CDK18: variants seen among roughly 807,000 people sequenced by gnomAD.
CDK18 encodes the protein cyclin-dependent kinase 18.
Under a neutral mutation model 62.0 loss-of-function variants are expected in CDK18, and 52 were observed. That is an observed-to-expected ratio of 0.84 (90% CI 0.67 to 1.06). CDK18 has a LOEUF of 1.06. Among genes scored for constraint, CDK18 ranks in the 50% least tolerant of loss-of-function variants. The probability of loss-of-function intolerance (pLI) is 0.00; values close to 1 mark genes in which losing one functional copy is unlikely to be tolerated. For missense variants in CDK18, 604 were observed against 619.9 expected (o/e 0.97, Z 0.27); for synonymous variants, 237 against 247.0 (o/e 0.96, Z 0.38).
Position 205,519,468 on chromosome 1 carries a change from T to C in CDK18, c.-21-3679T>C, listed in dbSNP as rs190666116. On this transcript the variant is annotated intron_variant, in intron 1 of 15. Transcript: ENST00000429964. ...CCTACATCTGACCTCCATCCTTCCA[T>C]CAGGAAGTCCATCCTACATCTGACC... Among the ~76,000 whole-genome samples, 184 of 151,646 alleles carry C rather than the reference T, an allele frequency of 1.2e-3. 1 individual carries two copies. The highest frequency in any genetic ancestry group is 4.1e-3 in the African/African-American group (168 of 41,026).
Position 205,531,562 on chromosome 1 carries a change from G to A in CDK18, c.*184G>A. ...TTTGTGCTTCCCGTGTGCCTCCCCA[G>A]TAGCCCTCACCTGCATACCAACCCC... On this transcript the variant is annotated 3_prime_UTR_variant, in exon 16 of 16. Coordinates refer to ENST00000429964, the MANE Select transcript of CDK18 (RefSeq NM_212502.3). 1 of 631,224 alleles carries A rather than the reference G, an allele frequency of 1.6e-6. No individual in the cohort carries two copies. Among genetic ancestry groups the A allele is most frequent in the Non-Finnish European group, 2.9e-6 (1 of 341,932 alleles). The allele number at this position is 631,224 out of a possible 1,614,324, so 39.1% of individuals were successfully genotyped here.
chr1:205,526,953 A>T, intron 8 of CDK18, 116 bp downstream of exon 8: 2 of 811,882 alleles, frequency 2.5e-6, no homozygotes, highest in East Asian at 4.9e-5. Context: ...AGACCTTCCC[A>T]CGTAGGAAAG....
At position 205,530,580 on chromosome 1, in the gene CDK18, G is replaced by A. The variant is rs767136298; in HGVS notation, c.1313-48G>A. 8 of 1,558,650 alleles carry A rather than the reference G, an allele frequency of 5.1e-6. No individual in the cohort carries two copies. In the East Asian group the frequency reaches 1.6e-4, roughly 31 times the overall value. On this transcript the variant is annotated intron_variant, in intron 14 of 15. Coordinates refer to ENST00000429964, the MANE Select transcript of CDK18 (RefSeq NM_212502.3). ...TCCTTCTGGGCCAGTCCTTACTGGA[G>A]GCCAGCTCCACGCAGCCCTCTCCAG...
chr1:205,530,381 C>T (rs770201031), intron 14 of CDK18, 32 bp downstream of exon 14: 5 of 1,595,530 alleles, frequency 3.1e-6, no homozygotes, highest in African/African-American at 2.7e-5. Context: ...GCAGGGCCAC[C>T]CAGAACCAAG....
At chr1:205,526,680 C>T in intron 7 of CDK18, 95 bp from the exon 8 acceptor site, 1 of 1,256,284 alleles carries the variant, frequency 8.0e-7, no homozygotes. Context: ...GGGCGTGGGC[C>T]CTTCCCAGGG....
intron 1 of CDK18, among the ~76,000 whole-genome samples, chr1:205,511,922 C>T (rs1347510451): frequency 2.0e-5 from 3 of 152,052 alleles, no homozygotes; most frequent in Admixed American, 6.6e-5. Flanking sequence ...GGTGTGGTGT[C>T]GTGCGCTTGT....
At chr1:205,505,261 G>A (rs1667249675) in intron 1 of CDK18, among the ~76,000 whole-genome samples, 1 of 152,198 alleles carries the variant, frequency 6.6e-6, no homozygotes, top group Non-Finnish European at 1.5e-5. Context: ...ACCCGAGAGT[G>A]TGGGGCCACA....
chr1:205,506,835 C>T (rs548317619), intron 1 of CDK18, among the ~76,000 whole-genome samples: 1 of 152,320 alleles, frequency 6.6e-6, no homozygotes, highest in East Asian at 1.9e-4. Flanking sequence ...CAGGCTTCTC[C>T]ATGGGGCACA....
At position 205,524,305 on chromosome 1, in the gene CDK18, A is replaced by G. The variant is rs1668303648; in HGVS notation, c.347A>G (p.Glu116Gly). The change falls in exon 4 of 16, where the codon GAG becomes GGG. Residue 116 changes from glutamate (E) to glycine (G), a missense_variant. Glu to Gly is a moderately conservative substitution (Grantham distance 98). Transcript: ENST00000429964. ...GAATTCCTACAGAAGCTACAGATGG[A>G]GAGCCCAGATCTGCCCAAGCCGCTC... is the stretch of plus-strand genomic sequence containing the variant. ...PQEFLQKLQM[E>G]SPDLPKPLSR... 6.2e-7 allele frequency: 1 copy of G among 1,614,052 alleles called. No homozygotes were observed. The highest frequency in any genetic ancestry group is 1.3e-5 in the African/African-American group (1 of 74,942).
intron 5 of CDK18, 70 bp downstream of exon 5, chr1:205,525,265 A>AGTCAGCCCTCTCTG: frequency 8.7e-7 from 1 of 1,148,584 alleles, no homozygotes; most frequent in South Asian, 1.4e-5. Context: ...AGACCTCCCT[A>AGTCAGCCCTCTCTG]GTCGGCCCTC....
At chr1:205,529,190 C>A in intron 11 of CDK18, 94 bp downstream of exon 11, 1 of 1,348,494 alleles carries the variant, frequency 7.4e-7, no homozygotes, top group Non-Finnish European at 1.0e-6. Flanking sequence ...AGCGGCTCGG[C>A]CGCCTCTCTC....
chr1:205,530,628 C>G lies in CDK18; in HGVS notation c.1313C>G (p.Thr438Ser). 1 of 1,613,968 alleles carries G rather than the reference C, an allele frequency of 6.2e-7. No individual in the cohort carries two copies. The highest frequency in any genetic ancestry group is 1.7e-5 in the Admixed American group (1 of 60,030). Residue 438 changes from threonine to serine, a missense_variant and splice_region_variant, in exon 15 of 16, where the codon ACT becomes AGT. Physicochemically the swap from Thr to Ser is moderately conservative, Grantham distance 58 (BLOSUM62 1). Coordinates refer to ENST00000429964, the MANE Select transcript of CDK18 (RefSeq NM_212502.3). ...LGERVHQLED[T>S]ASIFSLKEIQ... ...CAGACTATGCACTTCTCTCCCCCAG[C>G]TGCCTCCATCTTCTCCCTGAAGGAG...
chr1:205,519,122 G>A (rs1667984824), intron 1 of CDK18, among the ~76,000 whole-genome samples: 1 of 152,188 alleles, frequency 6.6e-6, no homozygotes, highest in Admixed American at 6.5e-5. Context: ...CCCCGGGCTG[G>A]CCTCAGGCTG....
Position 205,527,095 on chromosome 1 carries a change from C to T in CDK18, c.729+258C>T, listed in dbSNP as rs1668474609. On this transcript the variant is annotated intron_variant, in intron 8 of 15. Coordinates refer to ENST00000429964, the MANE Select transcript of CDK18 (RefSeq NM_212502.3). This position sits in a 1 kb window ranked among gnomAD's most constrained non-coding sequence, Gnocchi z 4.1. ...CTCTCAACTCTGAACATCAGTTTCC[C>T]AGTCTGTCAAATGGGAGTGTGAGCT... 3 of 494,146 alleles carry T rather than the reference C, an allele frequency of 6.1e-6. No homozygotes were observed. The highest frequency in any genetic ancestry group is 3.4e-5 in the Admixed American group (1 of 28,988). The allele number at this position is 494,146 out of a possible 1,614,324, so 30.6% of individuals were successfully genotyped here. A position where few individuals can be genotyped will look rare whatever the true frequency, so the allele number is the denominator to read the frequency against.
Position 205,529,445 on chromosome 1 carries a change from G to A in CDK18, c.1178+16G>A. The A allele has an allele frequency of 1.2e-6, 2 of 1,612,014 alleles. No homozygotes were observed. Among genetic ancestry groups the A allele is most frequent in the South Asian group, 1.1e-5 (1 of 90,768 alleles). On this transcript the variant is annotated intron_variant, in intron 12 of 15. Coordinates refer to ENST00000429964, the MANE Select transcript of CDK18 (RefSeq NM_212502.3). ...ACGCGCCCAGGTAGCCCCTGCGCCCGCCGCCCCTCCTGCTGCGGCCCTGGC... is the reference window on the plus strand; with the variant it reads ...ACGCGCCCAGGTAGCCCCTGCGCCCACCGCCCCTCCTGCTGCGGCCCTGGC...
intron 1 of CDK18, among the ~76,000 whole-genome samples, chr1:205,518,720 G>A (rs1667957815): frequency 6.6e-6 from 1 of 152,216 alleles, no homozygotes; most frequent in South Asian, 2.1e-4. Flanking sequence ...CTAACATTCT[G>A]GGAGGCCAGC....
At position 205,528,226 on chromosome 1, in the gene CDK18, C is replaced by G; in HGVS notation, c.974+58C>G. The stretch of plus-strand genomic sequence containing the variant: ...GGACAGGCCTGGCCACACCTCCAGA[C>G]TCTCCTTTGCTTCCCCAAGGGCCTC... On this transcript the variant is annotated intron_variant, in intron 10 of 15. Coordinates refer to ENST00000429964, the MANE Select transcript of CDK18 (RefSeq NM_212502.3). The surrounding 1 kb of genome is among the most constrained non-coding windows in gnomAD (Gnocchi z 4.2). 1 of 1,580,982 alleles carries G rather than the reference C, an allele frequency of 6.3e-7. No individual in the cohort carries two copies. Among genetic ancestry groups the G allele is most frequent in the Non-Finnish European group, 8.6e-7 (1 of 1,158,040 alleles).
In CDK18 at chr1:205,525,204, C is replaced by T; in HGVS notation, c.456+9C>T. The T allele has an allele frequency of 6.2e-7, 1 of 1,606,732 alleles. No individual in the cohort carries two copies. The highest frequency in any genetic ancestry group is 8.5e-7 in the Non-Finnish European group (1 of 1,174,396). The stretch of plus-strand genomic sequence containing the variant: ...TGGACAAACTGGGAGAGGTAAGACG[C>T]TGGGTTTGGTCTTCTCCGAATAGCC... On this transcript the variant is annotated intron_variant, in intron 5 of 15. Transcript: ENST00000429964.
chr1:205,523,415 A>G (rs1558778084), intron 2 of CDK18, 68 bp from the exon 3 acceptor site: 5 of 1,520,652 alleles, frequency 3.3e-6, no homozygotes, highest in Non-Finnish European at 4.5e-6. Context: ...GCGCTGGGGG[A>G]GGGGGGCTAC....
Sources: gnomAD v4.1 joint callset for allele counts (sites outside exome capture counted in the v4.1 genomes callset) on GRCh38, gnomAD v4.1.1 for gene constraint, Gnocchi (gnomAD v3.1) non-coding constraint, MANE v1.5 for transcripts, NCBI Gene and HGNC (gene_info 2026-07-23, HGNC 2026-07-21) for gene names.